Variants in CACNB2 observed in about 807,000 individuals in gnomAD.
The protein encoded by CACNB2 is voltage-dependent L-type calcium channel subunit beta-2.
Under a neutral mutation model 73.3 loss-of-function variants are expected in CACNB2, and 42 were observed. The observed-to-expected ratio is 0.57, with a 90% CI of 0.45 to 0.74. CACNB2 has a LOEUF of 0.74. CACNB2 is among the 30% of genes least tolerant of loss of function. The pLI is 0.00. For synonymous variants in CACNB2, 348 were observed against 310.3 expected, an observed-to-expected ratio of 1.12 and a Z score of -1.28; for missense variants, 940 against 853.0, an observed-to-expected ratio of 1.10 and a Z score of -1.27.
At chr10:18,157,546 T>C (rs12413478) in intron 2 of CACNB2, among the ~76,000 whole-genome samples, 19,635 of 152,220 alleles carry the variant, frequency 0.13, 1,310 homozygotes, top group East Asian at 0.24. Context: ...AAATAGACTA[T>C]GGAGAGGGAA....
At chr10:18,496,971 G>A (rs2049868659) in intron 3 of CACNB2, among the ~76,000 whole-genome samples, 1 of 151,810 alleles carries the variant, frequency 6.6e-6, no homozygotes, top group African/African-American at 2.4e-5. Flanking sequence ...AGCACTTTGG[G>A]AGGCTGAGGC....
At chr10:18,443,130 A>G (rs1030530763) in intron 3 of CACNB2, among the ~76,000 whole-genome samples, 1 of 150,722 alleles carries the variant, frequency 6.6e-6, no homozygotes, top group Non-Finnish European at 1.5e-5. Context: ...TTTAGCATGC[A>G]TTTGACTGAG....
intron 9 of CACNB2, among the ~76,000 whole-genome samples, 154 bp from the exon 10 acceptor site, chr10:18,527,433 GA>G (rs1033154333): frequency 6.6e-6 from 1 of 151,620 alleles, no homozygotes; most frequent in African/African-American, 2.4e-5. Context: ...TAAGTAAAAA[GA>G]AAAAAAATGA....
intron 3 of CACNB2, among the ~76,000 whole-genome samples, chr10:18,444,006 C>T (rs1589375981): frequency 5.3e-5 from 8 of 152,176 alleles, no homozygotes; most frequent in Admixed American, 4.6e-4. Flanking sequence ...TGAGCCACCA[C>T]ACCCAGCCAC....
intron 2 of CACNB2, among the ~76,000 whole-genome samples, chr10:18,285,746 C>T (rs2038759310): frequency 1.3e-5 from 2 of 152,174 alleles, no homozygotes; most frequent in Non-Finnish European, 2.9e-5. Flanking sequence ...TGTTATGTGA[C>T]ATTTTGAAGT....
chr10:18,168,462 A>T lies in CACNB2; in HGVS notation c.213+17487A>T, dbSNP rs75311934. Among the ~76,000 whole-genome samples, 14 of 151,990 alleles carry T rather than the reference A, an allele frequency of 9.2e-5. No homozygotes were observed. The East Asian group carries it at 2.5e-3, about 27-fold the overall frequency. ...TTCTGCAAAAACAGATGATTTCTTGATATCTTCATCTAGATTTACATCTTT... is the reference window on the plus strand; with the variant it reads ...TTCTGCAAAAACAGATGATTTCTTGTTATCTTCATCTAGATTTACATCTTT... On this transcript the variant is annotated intron_variant, in intron 2 of 13. Transcript: ENST00000324631.
chr10:18,399,704 G>A (rs540260652), intron 2 of CACNB2, among the ~76,000 whole-genome samples: 5 of 151,776 alleles, frequency 3.3e-5, no homozygotes, highest in African/African-American at 7.3e-5. Flanking sequence ...GTATTCTTAA[G>A]AACACTTTTT....
At chr10:18,532,046 C>T (rs750346506) in intron 10 of CACNB2, 7 of 152,130 alleles carry the variant, frequency 4.6e-5, no homozygotes, top group African/African-American at 7.2e-5. Flanking sequence ...AAATTCTGAG[C>T]ATGATATACT....
At chr10:18,469,002 T>G (rs1366756628) in intron 3 of CACNB2, among the ~76,000 whole-genome samples, 1 of 152,218 alleles carries the variant, frequency 6.6e-6, no homozygotes, top group African/African-American at 2.4e-5. Flanking sequence ...GAAGCAAATA[T>G]TTTTAAATTT....
At chr10:18,472,284 T>C (rs371725850) in intron 3 of CACNB2, among the ~76,000 whole-genome samples, 5 of 145,240 alleles carry the variant, frequency 3.4e-5, no homozygotes, top group African/African-American at 1.3e-4. Context: ...TCACCCAGGC[T>C]GGAATGCAGT....
At chr10:18,353,031 C>A (rs1268816124) in intron 2 of CACNB2, among the ~76,000 whole-genome samples, 1 of 152,112 alleles carries the variant, frequency 6.6e-6, no homozygotes, top group East Asian at 1.9e-4. Flanking sequence ...TGAAAGAAAT[C>A]TTTTATTAGA....
chr10:18,405,177 G>C, intron 3 of CACNB2, among the ~76,000 whole-genome samples: 1 of 152,094 alleles, frequency 6.6e-6, no homozygotes, highest in East Asian at 1.9e-4. Context: ...TATGTTCAGA[G>C]GTGTACAACC....
chr10:18,393,123 C>T (rs1470617242), intron 2 of CACNB2, among the ~76,000 whole-genome samples: 2 of 151,188 alleles, frequency 1.3e-5, no homozygotes, highest in African/African-American at 4.9e-5. Context: ...GCAGGAGAAT[C>T]GCTTGAACCC....
chr10:18,332,205 T>TGG (rs1370932189), intron 2 of CACNB2, among the ~76,000 whole-genome samples: 1 of 152,212 alleles, frequency 6.6e-6, no homozygotes, highest in African/African-American at 2.4e-5. Context: ...AAGACCTCTT[T>TGG]GGCTGCTCTA....
At chr10:18,430,237 T>G (rs1349182318) in intron 3 of CACNB2, among the ~76,000 whole-genome samples, 1 of 151,834 alleles carries the variant, frequency 6.6e-6, no homozygotes, top group South Asian at 2.1e-4. Context: ...TACTAGAAAA[T>G]ATTGAGACGC....
intron 6 of CACNB2, 103 bp downstream of exon 6, chr10:18,506,650 C>T (rs147371450): frequency 1.1e-3 from 880 of 769,080 alleles, no homozygotes; most frequent in Middle Eastern, 3.4e-3. Context: ...ACTATGTTAA[C>T]CCTACAGATG....
At chr10:18,351,951 A>C (rs2041724227) in intron 2 of CACNB2, among the ~76,000 whole-genome samples, 1 of 152,154 alleles carries the variant, frequency 6.6e-6, no homozygotes, top group South Asian at 2.1e-4. Flanking sequence ...AGAGAATTTC[A>C]AATGTTCTAC....
intron 3 of CACNB2, among the ~76,000 whole-genome samples, chr10:18,465,987 T>G (rs2047861441): frequency 1.3e-5 from 2 of 152,130 alleles, no homozygotes; most frequent in Admixed American, 1.3e-4. Flanking sequence ...GGCCCCAACT[T>G]CTTTATAAAG....
chr10:18,153,133 T>G (rs1190750581), intron 2 of CACNB2, among the ~76,000 whole-genome samples: 6 of 152,222 alleles, frequency 3.9e-5, no homozygotes, highest in Non-Finnish European at 8.8e-5. Flanking sequence ...CAAGAGTTGT[T>G]AAATGATTTA....
Sources: gnomAD v4.1 joint callset for allele counts (sites outside exome capture counted in the v4.1 genomes callset) on GRCh38, gnomAD v4.1.1 for gene constraint, MANE v1.5 for transcripts, NCBI Gene and HGNC (gene_info 2026-07-23, HGNC 2026-07-21) for gene names.